CATSPERD: variants seen among roughly 807,000 people sequenced by gnomAD.
CATSPERD encodes the protein catsper channel auxiliary subunit delta, also known as cation channel sperm-associated auxiliary subunit delta.
CATSPERD carries 86 observed loss-of-function variants against 98.1 expected under a neutral mutation model. The ratio of observed to expected loss-of-function variants is 0.88; its 90% CI spans 0.74 to 1.05. The LOEUF (loss-of-function observed/expected upper bound fraction) is 1.05. Among genes scored for constraint, CATSPERD ranks in the 50% least tolerant of loss-of-function variants. The probability of loss-of-function intolerance (pLI) is 0.00; values close to 1 mark genes in which losing one functional copy is unlikely to be tolerated. For synonymous variants in CATSPERD, 394 were observed against 390.2 expected (o/e 1.01, Z -0.12); for missense variants, 995 against 1,005.7 (o/e 0.99, Z 0.14).
chr19:5,759,900 A>AC (rs1195805010), intron 15 of CATSPERD, among the ~76,000 whole-genome samples: 1 of 150,370 alleles, frequency 6.7e-6, no homozygotes, highest in African/African-American at 2.4e-5. Flanking sequence ...ACATGGTGAA[A>AC]CCCCCATCTC....
intron 7 of CATSPERD, among the ~76,000 whole-genome samples, chr19:5,741,597 A>T (rs748797099): frequency 6.6e-6 from 1 of 152,022 alleles, no homozygotes; most frequent in Non-Finnish European, 1.5e-5. Flanking sequence ...GGATTTCAGC[A>T]TGAATTTTGG....
chr19:5,760,356 G>T (rs956841237), intron 15 of CATSPERD, among the ~76,000 whole-genome samples: 1 of 150,108 alleles, frequency 6.7e-6, no homozygotes, highest in Non-Finnish European at 1.5e-5. Context: ...CCGAGATTGC[G>T]CCACTGAACT....
chr19:5,744,730 A>G (rs1209997657), intron 8 of CATSPERD, among the ~76,000 whole-genome samples: 1 of 151,686 alleles, frequency 6.6e-6, no homozygotes, highest in Non-Finnish European at 1.5e-5. Context: ...CCTCCCGAGT[A>G]GCTGGGACTA....
At chr19:5,728,528 T>C (rs776852408) in intron 3 of CATSPERD, among the ~76,000 whole-genome samples, 1 of 151,392 alleles carries the variant, frequency 6.6e-6, no homozygotes. Flanking sequence ...TTGTACCCCG[T>C]CTGGATGTCT....
At chr19:5,762,700 G>T (rs1225247577) in intron 15 of CATSPERD, among the ~76,000 whole-genome samples, 1 of 151,600 alleles carries the variant, frequency 6.6e-6, no homozygotes, top group Non-Finnish European at 1.5e-5. Flanking sequence ...TGGATGGAAT[G>T]GATCGATAAG....
At chr19:5,734,187 C>T (rs959767068) in intron 5 of CATSPERD, among the ~76,000 whole-genome samples, 1 of 152,180 alleles carries the variant, frequency 6.6e-6, no homozygotes, top group Non-Finnish European at 1.5e-5. Flanking sequence ...GCCACAAAAG[C>T]TACTTGGGCT....
chr19:5,775,988 C>T (rs1291938140), intron 20 of CATSPERD, among the ~76,000 whole-genome samples, 173 bp from the exon 21 acceptor site: 1 of 152,136 alleles, frequency 6.6e-6, no homozygotes, highest in African/African-American at 2.4e-5. Flanking sequence ...TCCATCCACT[C>T]TTCTCTGCAG....
intron 1 of CATSPERD, among the ~76,000 whole-genome samples, chr19:5,723,179 T>C (rs1262470601): frequency 7.9e-6 from 1 of 126,742 alleles, no homozygotes; most frequent in Non-Finnish European, 1.7e-5. Flanking sequence ...GGAGCGAGAT[T>C]CTGTCTCAAA....
rs71172767 is a variant in CATSPERD, at chr19:5,765,405, TATTCATTCATTCATTCATTCATTC to T, written c.1507-671_1507-648del. ...GTTTATTCATTCTAGGCCATTGATTTATTCATTCATTCATTCATTCATTCATTCATTCATTCATTCATTCATTCA... is the reference window on the plus strand; with the variant it reads ...GTTTATTCATTCTAGGCCATTGATTTATTCATTCATTCATTCATTCATTCA... On this transcript the variant is annotated intron_variant, in intron 16 of 21. Transcript: ENST00000381624. Among the ~76,000 whole-genome samples, 49 of 141,088 alleles carry T rather than the reference TATTCATTCATTCATTCATTCATTC, an allele frequency of 3.5e-4. 1 individual carries two copies. Among genetic ancestry groups the T allele is most frequent in the Admixed American group, 1.5e-3 (22 of 14,562 alleles). The allele number at this position is 141,088 out of a possible 152,430, so 92.6% of individuals were successfully genotyped here. A position where few individuals can be genotyped will look rare whatever the true frequency, so the allele number is the denominator to read the frequency against.
intron 17 of CATSPERD, among the ~76,000 whole-genome samples, chr19:5,767,091 G>A (rs2056552263): frequency 1.3e-5 from 2 of 151,350 alleles, no homozygotes; most frequent in Non-Finnish European, 1.5e-5. Flanking sequence ...GCCGAGGCGG[G>A]TGGATCACGA....
chr19:5,758,397 G>A (rs1368113613), intron 14 of CATSPERD, among the ~76,000 whole-genome samples: 30 of 152,020 alleles, frequency 2.0e-4, no homozygotes. Flanking sequence ...GTTTCTGTGA[G>A]CTTCCAGAAG....
intron 11 of CATSPERD, among the ~76,000 whole-genome samples, chr19:5,750,284 TAAA>T (rs907444746): frequency 1.0e-4 from 15 of 147,408 alleles, no homozygotes; most frequent in East Asian, 8.2e-4. Flanking sequence ...CCGTCTCTAC[TAAA>T]AAAAATACGA....
At position 5,778,466 on chromosome 19, in the gene CATSPERD, C is replaced by A; in HGVS notation, c.2187C>A (p.Ile729=). ...LVSAGVVILL[I]ISSILGSVWL... ...CTGCTGGAGTCGTCATCCTACTGAT[C>A]ATCTCCAGCATCCTGGGGTCCGTTT... Residue 729 remains isoleucine, a synonymous_variant, in exon 22 of 22, where the codon ATC becomes ATA. Coordinates refer to ENST00000381624, the MANE Select transcript of CATSPERD (RefSeq NM_152784.4). The A allele has an allele frequency of 6.2e-7, 1 of 1,614,036 alleles. No individual in the cohort carries two copies.
In CATSPERD at chr19:5,733,868, G is replaced by A. The variant is rs1444764040; in HGVS notation, c.289G>A (p.Glu97Lys). 1.9e-6 allele frequency: 3 copies of A among 1,610,982 alleles called. No individual in the cohort carries two copies. Among genetic ancestry groups the A allele is most frequent in the Non-Finnish European group, 2.5e-6 (3 of 1,178,590 alleles). Residue 97 changes from glutamate to lysine, a missense_variant, in exon 5 of 22, where the codon GAA (glutamate) becomes AAA (lysine). By Grantham distance (56) the Glu-to-Lys change is moderately conservative. Coordinates refer to ENST00000381624, the MANE Select transcript of CATSPERD (RefSeq NM_152784.4). The part of the protein sequence containing the change: ...IPTSMQVGVP[E>K]VTSAHFAGSL... ...TGATAACTTTTAGGTCGGCGTACCA[G>A]AAGTGACATCAGCACATTTTGCTGG... is the stretch of plus-strand genomic sequence containing the variant.
intron 9 of CATSPERD, among the ~76,000 whole-genome samples, chr19:5,746,849 G>A (rs1434818714): frequency 5.3e-5 from 8 of 151,568 alleles, no homozygotes; most frequent in South Asian, 2.1e-4. Context: ...CTGTGGAGGC[G>A]GAAGCTGTGC....
At chr19:5,760,223 ACT>A (rs2056408698) in intron 15 of CATSPERD, among the ~76,000 whole-genome samples, 1 of 150,596 alleles carries the variant, frequency 6.6e-6, no homozygotes, top group Non-Finnish European at 1.5e-5. Flanking sequence ...ACATGGTGAA[ACT>A]CTGTCTCTAC....
At chr19:5,772,138 C>G (rs1375130416) in intron 19 of CATSPERD, 3 of 410,518 alleles carry the variant, frequency 7.3e-6, no homozygotes, top group East Asian at 1.6e-4. Flanking sequence ...GCCTTAACCT[C>G]CCAGGCTCAA....
intron 3 of CATSPERD, 58 bp downstream of exon 3, chr19:5,727,402 C>A: frequency 7.8e-7 from 1 of 1,275,966 alleles, no homozygotes; most frequent in Non-Finnish European, 1.1e-6. Context: ...TTAGATTTGC[C>A]CCATTCATTC....
chr19:5,734,238 C>T (rs975355620), intron 5 of CATSPERD, among the ~76,000 whole-genome samples: 2 of 152,224 alleles, frequency 1.3e-5, no homozygotes, highest in African/African-American at 2.4e-5. Flanking sequence ...TGCGCTGGCT[C>T]ACGCCTGTGA....
Sources: gnomAD v4.1 joint callset for allele counts (sites outside exome capture counted in the v4.1 genomes callset) on GRCh38, gnomAD v4.1.1 for gene constraint, MANE v1.5 for transcripts, NCBI Gene and HGNC (gene_info 2026-07-23, HGNC 2026-07-21) for gene names.